ALK: variants seen among roughly 807,000 people sequenced by gnomAD.
ALK encodes the protein ALK tyrosine kinase receptor.
ALK carries 74 observed loss-of-function variants against 163.1 expected under a neutral mutation model. The ratio of observed to expected loss-of-function variants is 0.45; its 90% confidence interval spans 0.38 to 0.55. The LOEUF is 0.55. Ranked by LOEUF, ALK falls within the 20% of genes least tolerant of loss-of-function variation. The pLI is 0.00. For synonymous variants in ALK, 960 were observed against 843.2 expected (o/e 1.14, Z -2.40); for missense variants, 2,063 against 2,105.3 (o/e 0.98, Z 0.39).
intron 1 of ALK, among the ~76,000 whole-genome samples, chr2:29,799,228 A>G (rs1664400634): frequency 6.6e-6 from 1 of 152,220 alleles, no homozygotes; most frequent in Non-Finnish European, 1.5e-5. Flanking sequence ...AGTGTTGAAA[A>G]GAAACATTTT....
At chr2:29,353,768 C>A (rs1005444940) in intron 5 of ALK, among the ~76,000 whole-genome samples, 1 of 151,866 alleles carries the variant, frequency 6.6e-6, no homozygotes, top group Non-Finnish European at 1.5e-5. Context: ...TTAGGTTGAA[C>A]CAGATGAAAC....
intron 3 of ALK, among the ~76,000 whole-genome samples, chr2:29,574,909 G>A (rs1223925526): frequency 1.3e-5 from 2 of 152,194 alleles, no homozygotes; most frequent in African/African-American, 4.8e-5. Context: ...CTGGGGAGAT[G>A]ACTGCCAGAA....
intron 4 of ALK, among the ~76,000 whole-genome samples, chr2:29,476,674 G>A (rs1464376963): frequency 6.6e-6 from 1 of 152,102 alleles, no homozygotes; most frequent in Non-Finnish European, 1.5e-5. Context: ...ACAGGAGGAT[G>A]CAGGGAAGTG....
chr2:29,731,697 G>A (rs758668066), intron 1 of ALK, among the ~76,000 whole-genome samples: 4 of 152,192 alleles, frequency 2.6e-5, no homozygotes, highest in Non-Finnish European at 4.4e-5. Context: ...CTCAAATCCT[G>A]TAATATCTCC....
intron 1 of ALK, among the ~76,000 whole-genome samples, chr2:29,726,515 T>C (rs932324821): frequency 7.9e-5 from 12 of 152,182 alleles, no homozygotes; most frequent in African/African-American, 2.7e-4. Flanking sequence ...CTGGTAAGGA[T>C]AATCACCCAC....
At chr2:29,795,347 T>C (rs932805595) in intron 1 of ALK, among the ~76,000 whole-genome samples, 3 of 152,220 alleles carry the variant, frequency 2.0e-5, no homozygotes, top group African/African-American at 7.2e-5. Flanking sequence ...GAGATAAGCA[T>C]TCTTATACAC....
At chr2:29,782,537 C>T (rs72854205) in intron 1 of ALK, among the ~76,000 whole-genome samples, 2,539 of 152,280 alleles carry the variant, frequency 0.017, 72 homozygotes, top group African/African-American at 0.056. Flanking sequence ...TTAACCCCGC[C>T]CCACTCCAGC....
intron 4 of ALK, among the ~76,000 whole-genome samples, chr2:29,449,008 C>T (rs1188207636): frequency 6.6e-6 from 1 of 152,192 alleles, no homozygotes; most frequent in East Asian, 1.9e-4. Flanking sequence ...AAAATCATGA[C>T]ATCCACTGCT....
intron 1 of ALK, among the ~76,000 whole-genome samples, chr2:29,728,101 G>T (rs752480237): frequency 3.3e-5 from 5 of 151,634 alleles, no homozygotes; most frequent in Admixed American, 2.6e-4. Context: ...CCTTTAAGCT[G>T]CAATACTCTG....
chr2:29,748,016 G>C (rs754810172), intron 1 of ALK, among the ~76,000 whole-genome samples: 2 of 152,188 alleles, frequency 1.3e-5, no homozygotes, highest in Non-Finnish European at 2.9e-5. Flanking sequence ...TCTGAGCTAG[G>C]TATCATCTAA....
intron 4 of ALK, among the ~76,000 whole-genome samples, chr2:29,411,408 C>T (rs748705118): frequency 3.5e-5 from 5 of 144,438 alleles, no homozygotes; most frequent in African/African-American, 5.2e-5. Context: ...AGATAATGCA[C>T]GATGAACATT....
At chr2:29,689,043 C>T (rs561241255) in intron 3 of ALK, among the ~76,000 whole-genome samples, 11 of 152,292 alleles carry the variant, frequency 7.2e-5, no homozygotes, top group South Asian at 4.1e-4. Flanking sequence ...ATCTTACTGA[C>T]AGCCTGTCCT....
intron 3 of ALK, among the ~76,000 whole-genome samples, chr2:29,665,447 A>C (rs1397123702): frequency 6.6e-6 from 1 of 151,968 alleles, no homozygotes; most frequent in Non-Finnish European, 1.5e-5. Flanking sequence ...TCTGTCACCT[A>C]CTCCAAACCA....
At chr2:29,823,209 C>T (rs532953682) in intron 1 of ALK, among the ~76,000 whole-genome samples, 2 of 152,304 alleles carry the variant, frequency 1.3e-5, no homozygotes, top group Non-Finnish European at 2.9e-5. Flanking sequence ...TTGCCTTCTG[C>T]CATGATTGTG....
chr2:29,580,995 G>T (rs182953590), intron 3 of ALK, among the ~76,000 whole-genome samples: 14 of 152,208 alleles, frequency 9.2e-5, no homozygotes, highest in Non-Finnish European at 1.3e-4. Flanking sequence ...CACAAGGTCC[G>T]ATCTTCTGCC....
At position 29,406,734 on chromosome 2, in the gene ALK, T is replaced by C. The variant is rs371443326; in HGVS notation, c.1155-22875A>G. ...GGCCAACATGGTGAAACCTCATCTC[T>C]ACTGAAAATACAAAAATCAGCTGGG... On this transcript the variant is annotated intron_variant, in intron 4 of 28. Coordinates refer to ENST00000389048, the MANE Select transcript of ALK (RefSeq NM_004304.5). Among the ~76,000 whole-genome samples, 9 of 152,078 alleles carry C rather than the reference T, an allele frequency of 5.9e-5. 1 individual carries two copies. The South Asian group carries it at 1.7e-3, about 28-fold the overall frequency.
At chr2:29,316,630 C>T (rs1666843937) in intron 8 of ALK, among the ~76,000 whole-genome samples, 1 of 152,106 alleles carries the variant, frequency 6.6e-6, no homozygotes, top group Admixed American at 6.5e-5. Flanking sequence ...CTCCGGTGGG[C>T]CAACCATCTG....
intron 3 of ALK, among the ~76,000 whole-genome samples, chr2:29,569,574 A>G (rs1674297109): frequency 6.5e-5 from 1 of 15,428 alleles, no homozygotes; most frequent in East Asian, 2.7e-3. Flanking sequence ...CCCCCCCCCT[A>G]GTGAGGTCCA....
At chr2:29,373,946 T>G (rs142609414) in intron 5 of ALK, among the ~76,000 whole-genome samples, 76 of 152,348 alleles carry the variant, frequency 5.0e-4, no homozygotes, top group Non-Finnish European at 8.1e-4. Context: ...AGCATAGGTC[T>G]TAGGAGGCAA....
Sources: gnomAD v4.1 joint callset for allele counts (sites outside exome capture counted in the v4.1 genomes callset) on GRCh38, gnomAD v4.1.1 for gene constraint, MANE v1.5 for transcripts, NCBI Gene and HGNC (gene_info 2026-07-23, HGNC 2026-07-21) for gene names.